Variants in ZDHHC13 observed in about 807,000 individuals in gnomAD.
The protein encoded by ZDHHC13 is palmitoyltransferase ZDHHC13.
In ZDHHC13, 85 loss-of-function variants were observed where a neutral mutation model predicts 86.0. The ratio of observed to expected loss-of-function variants is 0.99; its 90% CI spans 0.83 to 1.18. The LOEUF is 1.18. Ranked by LOEUF, ZDHHC13 falls within the 50% of genes most tolerant of loss-of-function variation. The probability of loss-of-function intolerance (pLI) is 0.00; values close to 1 mark genes in which losing one functional copy is unlikely to be tolerated. For synonymous variants in ZDHHC13, 263 were observed against 246.4 expected (o/e 1.07, Z -0.63); for missense variants, 711 against 730.2 (o/e 0.97, Z 0.30).
Position 19,149,243 on chromosome 11 carries a change from T to G in ZDHHC13, c.431T>G (p.Leu144Arg). The change falls in exon 5 of 17, where the codon CTT (leucine) becomes CGT (arginine). Residue 144 changes from leucine to arginine, a missense_variant. Physicochemically the swap from Leu to Arg is moderately radical, Grantham distance 102. Transcript: ENST00000446113. ...LLLQHGADPT[L>R]IDGEGFSSIH... ...CTCCAGCATGGTGCAGACCCCACTC[T>G]TATTGATGGAGAGGGATTCAGCAGC... 2 of 1,606,224 alleles carry G rather than the reference T, an allele frequency of 1.2e-6. No individual in the cohort carries two copies. Among genetic ancestry groups the G allele is most frequent in the Non-Finnish European group, 1.7e-6 (2 of 1,175,524 alleles).
intron 1 of ZDHHC13, among the ~76,000 whole-genome samples, chr11:19,130,659 C>CT (rs1219023824): frequency 2.0e-5 from 3 of 151,994 alleles, no homozygotes; most frequent in East Asian, 1.9e-4. Flanking sequence ...TGTAGGCCCC[C>CT]TTTTTTTGGT....
At chr11:19,150,322 C>T (rs1224454578) in intron 5 of ZDHHC13, among the ~76,000 whole-genome samples, 2 of 152,032 alleles carry the variant, frequency 1.3e-5, no homozygotes, top group African/African-American at 2.4e-5. Context: ...AGGGAGTTCA[C>T]TATTTACTGG....
Position 19,170,513 on chromosome 11 carries a change from T to C in ZDHHC13, c.1577T>C (p.Leu526Pro). The change falls in exon 15 of 17, where the codon CTA (leucine) becomes CCA (proline). Residue 526 changes from leucine (L) to proline (P), a missense_variant. Leu to Pro is a moderately conservative substitution (Grantham distance 98). Coordinates refer to ENST00000446113, the MANE Select transcript of ZDHHC13 (RefSeq NM_019028.3). ...CCTTGGGTTTTATATATCTTGATGC[T>C]AGCAACTTTCCATTTCTCATGGTCA... ...CSPWVLYILMLATFHFSWSTF... is the reference protein window; with the variant it reads ...CSPWVLYILMPATFHFSWSTF... 3.3e-6 allele frequency: 5 copies of C among 1,533,810 alleles called. No individual in the cohort carries two copies. Among genetic ancestry groups the C allele is most frequent in the Non-Finnish European group, 3.5e-6 (4 of 1,142,476 alleles).
intron 1 of ZDHHC13, 67 bp from the exon 2 acceptor site, chr11:19,142,911 G>T (rs141608187): frequency 6.9e-7 from 1 of 1,448,650 alleles, no homozygotes. Context: ...AGTAGCAAAT[G>T]CTTCATTATG....
chr11:19,153,496 A>C (rs1351566908), intron 8 of ZDHHC13, among the ~76,000 whole-genome samples: 1 of 152,212 alleles, frequency 6.6e-6, no homozygotes, highest in Non-Finnish European at 1.5e-5. Context: ...ATCATCATGA[A>C]TGCTACACTG....
rs757461051 is a variant in ZDHHC13 at position 19,147,587 on chromosome 11, T to C, written c.297-9T>C. On this transcript the variant is annotated splice_polypyrimidine_tract_variant and intron_variant, in intron 3 of 16. Coordinates refer to ENST00000446113, the MANE Select transcript of ZDHHC13 (RefSeq NM_019028.3). ...AAATCTTACTTTCATTTGTGTCTGCTTTTAACAGGTTTTATATTTCAAAAG... is the reference window on the plus strand; with the variant it reads ...AAATCTTACTTTCATTTGTGTCTGCCTTTAACAGGTTTTATATTTCAAAAG... 9 of 1,583,650 alleles carry C rather than the reference T, an allele frequency of 5.7e-6. No individual in the cohort carries two copies. In the Admixed American group the frequency reaches 1.6e-4, roughly 28 times the overall value.
chr11:19,165,327 G>C (rs969150412), intron 13 of ZDHHC13, among the ~76,000 whole-genome samples, 182 bp downstream of exon 13: 1 of 152,142 alleles, frequency 6.6e-6, no homozygotes, highest in Non-Finnish European at 1.5e-5. Flanking sequence ...GCATCATTCT[G>C]TTTGGTAGCC....
At position 19,146,232 on chromosome 11, in the gene ZDHHC13, C is replaced by T; in HGVS notation, c.225C>T (p.Val75=). The T allele has an allele frequency of 6.2e-7, 1 of 1,611,830 alleles. No homozygotes were observed. The highest frequency in any genetic ancestry group is 8.5e-7 in the Non-Finnish European group (1 of 1,178,912). Reference sequence around the variant, plus strand: ...AGTTGGTAGAAGCAGGATATGATGTCAGGCAACCAGATAAAGAAAATGTGT... The same window carrying T: ...AGTTGGTAGAAGCAGGATATGATGTTAGGCAACCAGATAAAGAAAATGTGT... ...CKELVEAGYD[V]RQPDKENVSL... Residue 75 remains valine (V), a synonymous_variant, in exon 3 of 17, where the codon GTC becomes GTT. Transcript: ENST00000446113.
intron 1 of ZDHHC13, among the ~76,000 whole-genome samples, chr11:19,137,763 A>G (rs1849185266): frequency 6.6e-6 from 1 of 152,262 alleles, no homozygotes; most frequent in African/African-American, 2.4e-5. Context: ...AATCTCACTC[A>G]AAACCGCTCA....
intron 16 of ZDHHC13, among the ~76,000 whole-genome samples, chr11:19,174,434 A>G (rs567715900): frequency 2.0e-5 from 3 of 152,286 alleles, no homozygotes; most frequent in Admixed American, 6.5e-5. Context: ...TCAACTCCAC[A>G]TAGCCTTCTT....
intron 10 of ZDHHC13, among the ~76,000 whole-genome samples, chr11:19,161,609 A>G (rs941302085): frequency 4.6e-5 from 7 of 151,812 alleles, no homozygotes; most frequent in African/African-American, 1.7e-4. Flanking sequence ...AATACAATAA[A>G]ATGGAACCTT....
At chr11:19,159,521 C>G (rs1007072873) in intron 10 of ZDHHC13, among the ~76,000 whole-genome samples, 1 of 150,156 alleles carries the variant, frequency 6.7e-6, no homozygotes, top group Admixed American at 6.6e-5. Flanking sequence ...TTTACTTTGC[C>G]ACTCAACATA....
chr11:19,163,605 C>T (rs1024447292), intron 11 of ZDHHC13, among the ~76,000 whole-genome samples, 178 bp downstream of exon 11: 1 of 152,032 alleles, frequency 6.6e-6, no homozygotes, highest in African/African-American at 2.4e-5. Flanking sequence ...AAAGTTTTAA[C>T]ACATATTTTT....
At chr11:19,126,193 G>A (rs1161999998) in intron 1 of ZDHHC13, among the ~76,000 whole-genome samples, 1 of 151,906 alleles carries the variant, frequency 6.6e-6, no homozygotes, top group Admixed American at 6.6e-5. Flanking sequence ...TTATGTCATG[G>A]GGGTTTGTTG....
intron 5 of ZDHHC13, 147 bp downstream of exon 5, chr11:19,149,478 G>A: frequency 2.6e-6 from 2 of 770,068 alleles, no homozygotes; most frequent in Non-Finnish European, 3.7e-6. Context: ...TTTAGCCATT[G>A]AATACTGCTT....
In ZDHHC13 at chr11:19,149,094, C is replaced by T. The variant is rs1283748180; in HGVS notation, c.375-93C>T. 3 of 1,184,770 alleles carry T rather than the reference C, an allele frequency of 2.5e-6. No individual in the cohort carries two copies. In the East Asian group the frequency reaches 9.1e-5, roughly 36 times the overall value. The allele number at this position is 1,184,770 out of a possible 1,614,324, so 73.4% of individuals were successfully genotyped here. On this transcript the variant is annotated intron_variant, in intron 4 of 16. Coordinates refer to ENST00000446113, the MANE Select transcript of ZDHHC13 (RefSeq NM_019028.3). ...GTTAGGAAATATTTTTTATATGTAACCAAAATCCCTCATGTCTTAGGAATA... is the reference window on the plus strand; with the variant it reads ...GTTAGGAAATATTTTTTATATGTAATCAAAATCCCTCATGTCTTAGGAATA...
rs1158926361 is a variant in ZDHHC13 at position 19,142,926 on chromosome 11, T to G, written c.28-52T>G. On this transcript the variant is annotated intron_variant, in intron 1 of 16. Coordinates refer to ENST00000446113, the MANE Select transcript of ZDHHC13 (RefSeq NM_019028.3). ...AGTAGCAAATGCTTCATTATGTAAT[T>G]GAGTGTGACATTAATTCTCTCATGC... The G allele has an allele frequency of 2.0e-6, 3 of 1,513,926 alleles. No homozygotes were observed. The African/African-American group carries it at 4.2e-5, about 21-fold the overall frequency. 93.8% of individuals were successfully genotyped at this position (1,513,926 alleles called of 1,614,324 possible).
intron 1 of ZDHHC13, among the ~76,000 whole-genome samples, chr11:19,140,985 C>T (rs1849302732): frequency 6.6e-6 from 1 of 151,148 alleles, no homozygotes; most frequent in Admixed American, 6.6e-5. Flanking sequence ...TTAGTGGGTG[C>T]AGCGCACCGG....
At chr11:19,175,111 G>A (rs1323522138) in intron 16 of ZDHHC13, among the ~76,000 whole-genome samples, 2 of 151,984 alleles carry the variant, frequency 1.3e-5, no homozygotes, top group African/African-American at 2.4e-5. Flanking sequence ...TAGGGAGGCC[G>A]GGTGCGGTGG....
Sources: allele counts gnomAD v4.1 joint callset (sites outside exome capture counted in the v4.1 genomes callset), GRCh38; gene constraint gnomAD v4.1.1; transcripts MANE v1.5; gene names NCBI Gene and HGNC (gene_info 2026-07-23, HGNC 2026-07-21).